AP2B1: variants seen among roughly 807,000 people sequenced by gnomAD.
AP2B1 encodes the protein adaptor related protein complex 2 subunit beta 1.
Under a neutral mutation model 102.0 loss-of-function variants are expected in AP2B1, and 23 were observed. The observed-to-expected ratio is 0.23, with a 90% CI of 0.16 to 0.32. The LOEUF is 0.32. Ranked by LOEUF, AP2B1 falls within the 10% of genes least tolerant of loss-of-function variation. AP2B1 has a pLI of 1.00. For synonymous variants in AP2B1, 381 were observed against 421.2 expected, an observed-to-expected ratio of 0.90 and a Z score of 1.17; for missense variants, 541 against 1,157.4, an observed-to-expected ratio of 0.47 and a Z score of 7.73.
At chr17:35,705,835 C>A (rs1296745239) in intron 18 of AP2B1, among the ~76,000 whole-genome samples, 1 of 152,108 alleles carries the variant, frequency 6.6e-6, no homozygotes, top group Non-Finnish European at 1.5e-5. Context: ...AGCCACTGTG[C>A]CCAGCCGAAT....
chr17:35,719,238 C>T (rs1174466383), intron 21 of AP2B1, among the ~76,000 whole-genome samples: 1 of 152,044 alleles, frequency 6.6e-6, no homozygotes, highest in African/African-American at 2.4e-5. Context: ...TCTAATTTCA[C>T]CAGTTTTTAC....
rs117189040 is a variant in AP2B1, at chr17:35,651,555, A to C, written c.1796+766A>C. On this transcript the variant is annotated intron_variant, in intron 13 of 21. Transcript: ENST00000610402. ...GATTTCCTTCCAGAGTAGTTAGAAT[A>C]ATTGGGCTTCTATTAATGAGTGTCT... Among the ~76,000 whole-genome samples, 485 of 152,314 alleles carry C rather than the reference A, an allele frequency of 3.2e-3. 1 individual carries two copies. The highest frequency in any genetic ancestry group is 5.1e-3 in the Non-Finnish European group (348 of 68,010).
chr17:35,597,561 G>A (rs975910017), intron 2 of AP2B1, among the ~76,000 whole-genome samples: 2 of 152,186 alleles, frequency 1.3e-5, no homozygotes, highest in Admixed American at 1.3e-4. Context: ...TTAAAGTACT[G>A]ATTAAAGTAG....
At chr17:35,660,310 G>A (rs1360530881) in intron 14 of AP2B1, among the ~76,000 whole-genome samples, 3 of 152,096 alleles carry the variant, frequency 2.0e-5, no homozygotes, top group Admixed American at 6.6e-5. Flanking sequence ...TTGGTCTGGA[G>A]TGAGACCTAG....
intron 14 of AP2B1, among the ~76,000 whole-genome samples, chr17:35,660,828 G>A (rs533131354): frequency 1.3e-5 from 2 of 152,280 alleles, no homozygotes; most frequent in South Asian, 4.1e-4. Flanking sequence ...TGGAAAGAGG[G>A]CTCCTCCTCT....
rs775055212 is a variant in AP2B1, at chr17:35,650,674, G to T, written c.1681G>T (p.Asp561Tyr). 1 of 1,614,174 alleles carries T rather than the reference G, an allele frequency of 6.2e-7. No homozygotes were observed. Among genetic ancestry groups the T allele is most frequent in the East Asian group, 2.2e-5 (1 of 44,880 alleles). The change falls in exon 13 of 22, where the codon GAT (aspartate) becomes TAT (tyrosine). Residue 561 changes from aspartate (D) to tyrosine (Y), a missense_variant. This residue lies in a region of AP2B1 where 106 missense variants were observed against 296.4 expected (regional missense o/e 0.36). Transcript: ENST00000610402. ...ETDLIEPTLLDELICHIGSLA... is the reference protein window; with the variant it reads ...ETDLIEPTLLYELICHIGSLA... ...GGACCTTATTGAGCCAACTCTGCTG[G>T]ATGAGCTAATCTGCCACATTGGTTC...
chr17:35,708,087 G>C (rs1555585686), intron 18 of AP2B1, among the ~76,000 whole-genome samples: 1 of 152,216 alleles, frequency 6.6e-6, no homozygotes, highest in Non-Finnish European at 1.5e-5. Flanking sequence ...ACAGTTTTAA[G>C]AGGTCAGTAT....
chr17:35,638,348 A>G (rs547239199), intron 10 of AP2B1, among the ~76,000 whole-genome samples: 1 of 152,320 alleles, frequency 6.6e-6, no homozygotes, highest in East Asian at 1.9e-4. Flanking sequence ...GGTCATTCTA[A>G]TCGTTAAAAC....
chr17:35,678,535 T>C (rs1598264136), intron 17 of AP2B1, among the ~76,000 whole-genome samples: 1 of 152,216 alleles, frequency 6.6e-6, no homozygotes, highest in South Asian at 2.1e-4. Context: ...GAAGTTTCAT[T>C]CTGTTCCTGG....
At chr17:35,694,224 A>G (rs908059486) in intron 18 of AP2B1, among the ~76,000 whole-genome samples, 1 of 152,106 alleles carries the variant, frequency 6.6e-6, no homozygotes, top group East Asian at 1.9e-4. Flanking sequence ...TTTTTGATTC[A>G]ATACAGTATG....
rs536367914 is a variant in AP2B1 at position 35,628,629 on chromosome 17, C to A, written c.1155+903C>A. Among the ~76,000 whole-genome samples, 3 of 152,236 alleles carry A rather than the reference C, an allele frequency of 2.0e-5. No individual in the cohort carries two copies. In the South Asian group the frequency reaches 6.2e-4, roughly 32 times the overall value. ...GCAAGACGCTGTCTCAAAAAAAGAACAACAATAATATTCTTATGCTATTAT... is the reference window on the plus strand; with the variant it reads ...GCAAGACGCTGTCTCAAAAAAAGAAAAACAATAATATTCTTATGCTATTAT... On this transcript the variant is annotated intron_variant, in intron 9 of 21. Coordinates refer to ENST00000610402, the MANE Select transcript of AP2B1 (RefSeq NM_001030006.2).
At chr17:35,599,123 C>A (rs2073391274) in intron 3 of AP2B1, among the ~76,000 whole-genome samples, 1 of 152,214 alleles carries the variant, frequency 6.6e-6, no homozygotes. Flanking sequence ...AAAACTTGAA[C>A]CTTTTTAATA....
At chr17:35,699,037 A>C (rs2076191630) in intron 18 of AP2B1, among the ~76,000 whole-genome samples, 1 of 152,208 alleles carries the variant, frequency 6.6e-6, no homozygotes. Flanking sequence ...GAGTTTTTTG[A>C]GATTGAGATT....
intron 5 of AP2B1, among the ~76,000 whole-genome samples, chr17:35,612,849 A>G (rs1481119368): frequency 1.3e-5 from 2 of 149,328 alleles, no homozygotes; most frequent in East Asian, 4.0e-4. Context: ...AGGAGGGTGG[A>G]TCACCTGAGG....
intron 21 of AP2B1, among the ~76,000 whole-genome samples, chr17:35,720,569 ATATATTTTTT>A (rs1357873334): frequency 1.1e-3 from 53 of 50,332 alleles, no homozygotes; most frequent in African/African-American, 3.4e-3. Context: ...ATATATATAT[ATATATTTTTT>A]TTTTTTTTTT....
Position 35,710,338 on chromosome 17 carries a change from A to C in AP2B1, c.2626+18A>C, listed in dbSNP as rs201823174. ...AAATGCTGGTGAGTAATATACTCTA[A>C]ATTTCAGTTTCATCTTAGTAAATCA... On this transcript the variant is annotated intron_variant, in intron 20 of 21. Transcript: ENST00000610402. The C allele has an allele frequency of 6.6e-7, 1 of 1,521,688 alleles. No homozygotes were observed. The highest frequency in any genetic ancestry group is 1.4e-5 in the African/African-American group (1 of 72,942). The allele number at this position is 1,521,688 out of a possible 1,614,324, so 94.3% of individuals were successfully genotyped here.
intron 17 of AP2B1, 30 bp from the exon 18 acceptor site, chr17:35,682,665 C>A (rs2075849602): frequency 6.3e-7 from 1 of 1,590,906 alleles, no homozygotes; most frequent in African/African-American, 1.4e-5. Context: ...TCTTGATTAA[C>A]CTCTGTGATT....
chr17:35,627,827 C>T (rs1379319079), intron 9 of AP2B1, 101 bp downstream of exon 9: 3 of 971,752 alleles, frequency 3.1e-6, no homozygotes, highest in East Asian at 5.5e-5. Flanking sequence ...AATAATAAAG[C>T]ACACAGTTTC....
At chr17:35,635,625 A>T (rs941603469) in intron 9 of AP2B1, among the ~76,000 whole-genome samples, 1 of 152,082 alleles carries the variant, frequency 6.6e-6, no homozygotes, top group East Asian at 1.9e-4. Flanking sequence ...CTCATGATCC[A>T]GCTGCCTCGG....
Sources: allele counts gnomAD v4.1 joint callset (sites outside exome capture counted in the v4.1 genomes callset), GRCh38; gene constraint gnomAD v4.1.1; regional missense constraint gnomAD v4.1.1; transcripts MANE v1.5; gene names NCBI Gene and HGNC (gene_info 2026-07-23, HGNC 2026-07-21).